Variants in GPHN observed in about 807,000 individuals in gnomAD.
The protein encoded by GPHN is gephyrin.
Under a neutral mutation model 95.5 loss-of-function variants are expected in GPHN, and 17 were observed. That is an observed-to-expected ratio of 0.18 (90% CI 0.12 to 0.27). GPHN has a LOEUF of 0.27. Among genes scored for constraint, GPHN ranks in the 10% least tolerant of loss-of-function variants. The pLI is 1.00. For missense variants in GPHN, 660 were observed against 978.1 expected (o/e 0.67, Z 4.34); for synonymous variants, 320 against 322.5 (o/e 0.99, Z 0.08).
At chr14:67,500,851 A>G in the GPHN span, among the ~76,000 whole-genome samples, 1 of 151,998 alleles carries the variant, frequency 6.6e-6, no homozygotes, top group Non-Finnish European at 1.5e-5. Context: ...GATTACAGGC[A>G]TGAGCCACCG....
At chr14:66,602,183 A>G (rs1221021029) in intron 1 of GPHN, among the ~76,000 whole-genome samples, 2 of 152,006 alleles carry the variant, frequency 1.3e-5, no homozygotes, top group African/African-American at 4.8e-5. Flanking sequence ...ATTTCTATGT[A>G]AATATTGTAG....
At chr14:67,646,806 A>C in the GPHN span, 1 of 1,463,428 alleles carries the variant, frequency 6.8e-7, no homozygotes, top group Non-Finnish European at 9.6e-7. Context: ...TGAAAGGCTG[A>C]TGCTTAACTT....
chr14:67,728,399 T>G, the GPHN span, among the ~76,000 whole-genome samples: 1 of 152,176 alleles, frequency 6.6e-6, no homozygotes, highest in Non-Finnish European at 1.5e-5. Context: ...ACTGACAGAT[T>G]AAGAAATTTG....
the GPHN span, chr14:67,674,410 C>T: frequency 1.2e-6 from 2 of 1,607,100 alleles, no homozygotes; most frequent in Non-Finnish European, 1.7e-6. Context: ...CTCGGGCACC[C>T]CTTGTAGGTC....
chr14:67,121,278 A>G (rs1258663403), intron 16 of GPHN, among the ~76,000 whole-genome samples: 5 of 152,144 alleles, frequency 3.3e-5, no homozygotes, highest in Admixed American at 6.5e-5. Context: ...TTTATAATCT[A>G]ATAGTCTATG....
intron 5 of GPHN, among the ~76,000 whole-genome samples, chr14:66,887,489 C>T (rs1024286509): frequency 7.2e-5 from 11 of 152,088 alleles, no homozygotes; most frequent in African/African-American, 2.7e-4. Context: ...GCAGGAGAAT[C>T]GCTTGAACCT....
the GPHN span, chr14:67,387,351 T>G: frequency 6.2e-7 from 1 of 1,611,574 alleles, no homozygotes; most frequent in Non-Finnish European, 8.5e-7. Context: ...TTTGATAGCT[T>G]CAATCCACTC....
intron 2 of GPHN, among the ~76,000 whole-genome samples, chr14:66,724,019 A>ACG (rs1213847662): frequency 6.6e-6 from 1 of 151,786 alleles, no homozygotes; most frequent in Admixed American, 6.6e-5. Flanking sequence ...ACACACACAC[A>ACG]CAAACAGATT....
the GPHN span, among the ~76,000 whole-genome samples, chr14:67,506,380 T>G: frequency 6.6e-6 from 1 of 152,138 alleles, no homozygotes; most frequent in East Asian, 1.9e-4. Context: ...AAAGAGACAG[T>G]GGGAGGCAAA....
At chr14:67,239,489 T>G in the GPHN span, among the ~76,000 whole-genome samples, 1 of 152,148 alleles carries the variant, frequency 6.6e-6, no homozygotes, top group African/African-American at 2.4e-5. Flanking sequence ...GATGAGAAAT[T>G]ATAAGCTAGA....
rs187671420 is a variant in GPHN at position 66,739,619 on chromosome 14, G to A, written c.144-36845G>A. 3.8e-4 allele frequency among the ~76,000 whole-genome samples: 57 copies of A among 151,308 alleles called. 1 individual carries two copies. The highest frequency in any genetic ancestry group is 8.7e-4 in the African/African-American group (36 of 41,216). On this transcript the variant is annotated intron_variant, in intron 2 of 22. Transcript: ENST00000478722. ...GTAGTCTATGATGGATAGTGCGTTC[G>A]GACAACTGACCAAAACAAATGCAGA...
intron 9 of GPHN, among the ~76,000 whole-genome samples, chr14:66,982,169 C>A (rs958060254): frequency 6.6e-6 from 1 of 151,942 alleles, no homozygotes; most frequent in East Asian, 1.9e-4. Flanking sequence ...ACTACATTTA[C>A]AATTATTTTT....
chr14:67,095,592 T>C (rs1202166557), intron 12 of GPHN, among the ~76,000 whole-genome samples: 2 of 150,914 alleles, frequency 1.3e-5, no homozygotes, highest in Admixed American at 6.8e-5. Flanking sequence ...TGGAATACTA[T>C]GCAGCCATAA....
the GPHN span, among the ~76,000 whole-genome samples, chr14:67,493,954 C>T: frequency 6.6e-6 from 1 of 152,066 alleles, no homozygotes; most frequent in Non-Finnish European, 1.5e-5. Flanking sequence ...GTGACAGTTG[C>T]TGTCTGCTCT....
At chr14:67,690,411 G>C in the GPHN span, 1 of 1,614,122 alleles carries the variant, frequency 6.2e-7, no homozygotes, top group Non-Finnish European at 8.5e-7. Context: ...GATGGGTTAG[G>C]AGGAAGTGAC....
the GPHN span, among the ~76,000 whole-genome samples, chr14:67,319,984 G>T: frequency 2.0e-5 from 3 of 152,238 alleles, no homozygotes; most frequent in South Asian, 6.2e-4. Flanking sequence ...TTTAATGTAA[G>T]AATCAGTATA....
At chr14:66,962,817 CTT>C (rs1734801971) in intron 8 of GPHN, among the ~76,000 whole-genome samples, 1 of 151,580 alleles carries the variant, frequency 6.6e-6, no homozygotes, top group South Asian at 2.1e-4. Context: ...CGATTTGCCT[CTT>C]TTTTCTCTAA....
At chr14:67,239,642 G>A in the GPHN span, among the ~76,000 whole-genome samples, 1 of 152,214 alleles carries the variant, frequency 6.6e-6, no homozygotes, top group African/African-American at 2.4e-5. Flanking sequence ...GATCACCTGA[G>A]GTCAGGTGTT....
the GPHN span, among the ~76,000 whole-genome samples, chr14:67,719,790 T>G: frequency 1.3e-5 from 2 of 152,164 alleles, no homozygotes; most frequent in African/African-American, 4.8e-5. Flanking sequence ...AATTTAATGT[T>G]TATTTACTTA....
Sources: gnomAD v4.1 joint callset for allele counts (sites outside exome capture counted in the v4.1 genomes callset) on GRCh38, gnomAD v4.1.1 for gene constraint, MANE v1.5 for transcripts, NCBI Gene and HGNC (gene_info 2026-07-23, HGNC 2026-07-21) for gene names.